Variants in TTC23 observed in about 807,000 individuals in gnomAD.
TTC23 encodes the protein tetratricopeptide repeat protein 23.
In TTC23, 58 loss-of-function variants were observed where a neutral mutation model predicts 55.1. That is an observed-to-expected ratio of 1.05 (90% CI 0.85 to 1.31). The LOEUF (loss-of-function observed/expected upper bound fraction) is 1.31, where lower values mean the gene tolerates loss of function less well. TTC23 is among the 50% of genes most tolerant of loss of function. The pLI is 0.00. For missense variants in TTC23, 516 were observed against 534.4 expected, an observed-to-expected ratio of 0.97 and a Z score of 0.34; for synonymous variants, 203 against 199.9, an observed-to-expected ratio of 1.02 and a Z score of -0.13.
In TTC23 at chr15:99,168,001, C is replaced by T. The variant is rs778339632; in HGVS notation, c.866-6134G>A. The stretch of plus-strand genomic sequence containing the variant: ...TTAGACCCTGCTGGGGGCTGCTGTT[C>T]GAGTCTGCTAGCTTGTGGAGGCCAC... On this transcript the variant is annotated intron_variant, in intron 10 of 13. Coordinates refer to ENST00000394132, the MANE Select transcript of TTC23 (RefSeq NM_001288615.3). Among the ~76,000 whole-genome samples, 16 of 152,310 alleles carry T rather than the reference C, an allele frequency of 1.1e-4. No homozygotes were observed. In the South Asian group the frequency reaches 3.1e-3, roughly 30 times the overall value.
intron 10 of TTC23, among the ~76,000 whole-genome samples, chr15:99,166,393 G>A (rs2072089537): frequency 6.6e-6 from 1 of 152,200 alleles, no homozygotes; most frequent in South Asian, 2.1e-4. Flanking sequence ...TTTGAGGGAG[G>A]ATGCTGCAGG....
chr15:99,179,777 G>T, intron 9 of TTC23, among the ~76,000 whole-genome samples: 1 of 152,190 alleles, frequency 6.6e-6, no homozygotes. Context: ...CCTGCTCCCA[G>T]CTAGCTGCCC....
chr15:99,183,125 G>A (rs1056246443), intron 9 of TTC23, among the ~76,000 whole-genome samples: 1 of 152,168 alleles, frequency 6.6e-6, no homozygotes, highest in Admixed American at 6.5e-5. Context: ...CCAAAATGCT[G>A]ATAGTGATAA....
intron 12 of TTC23, among the ~76,000 whole-genome samples, chr15:99,150,218 A>C (rs2069517541): frequency 6.6e-6 from 1 of 152,140 alleles, no homozygotes; most frequent in Non-Finnish European, 1.5e-5. Flanking sequence ...TCGATCCCTA[A>C]AACTGTGGGA....
At chr15:99,165,173 A>G (rs1429080551) in intron 10 of TTC23, among the ~76,000 whole-genome samples, 1 of 152,210 alleles carries the variant, frequency 6.6e-6, no homozygotes, top group East Asian at 1.9e-4. Flanking sequence ...GGCACACTGG[A>G]AGCAACAAGT....
chr15:99,139,630 CTGTA>C (rs1555489219), intron 12 of TTC23: 5 of 1,503,462 alleles, frequency 3.3e-6, no homozygotes, highest in East Asian at 2.7e-5. Flanking sequence ...CTGTGACTAT[CTGTA>C]TGCAAAAAAT....
chr15:99,162,119 CT>C (rs2071460908), intron 10 of TTC23, among the ~76,000 whole-genome samples: 1 of 152,112 alleles, frequency 6.6e-6, no homozygotes, highest in Non-Finnish European at 1.5e-5. Context: ...AGAAAAGTTA[CT>C]GCAAAAGAAG....
chr15:99,142,794 G>A (rs185648737), intron 12 of TTC23, among the ~76,000 whole-genome samples: 119 of 152,248 alleles, frequency 7.8e-4, no homozygotes, highest in Non-Finnish European at 1.6e-3. Flanking sequence ...TTACAAACCC[G>A]TGTGCTCACC....
chr15:99,215,182 GTGTT>G (rs1167291837), intron 8 of TTC23, among the ~76,000 whole-genome samples: 2 of 151,882 alleles, frequency 1.3e-5, no homozygotes, highest in Non-Finnish European at 2.9e-5. Context: ...ATCCAGTTAT[GTGTT>G]TGTTTAACTG....
chr15:99,152,847 G>A (rs185879338), intron 12 of TTC23, among the ~76,000 whole-genome samples: 1 of 152,232 alleles, frequency 6.6e-6, no homozygotes, highest in East Asian at 1.9e-4. Flanking sequence ...ACTCAGGGTG[G>A]AGTGCAGTGG....
rs1237481836 is a variant in TTC23 at position 99,155,995 on chromosome 15, T to C, written c.1143+153A>G. 4.2e-6 allele frequency: 4 copies of C among 956,530 alleles called. No individual in the cohort carries two copies. In the African/African-American group the frequency reaches 6.6e-5, roughly 16 times the overall value. The allele number at this position is 956,530 out of a possible 1,614,324, so 59.3% of individuals were successfully genotyped here. On this transcript the variant is annotated intron_variant, in intron 12 of 13. Transcript: ENST00000394132. ...CTTACTATGTCTTTTACCCAAAAAG[T>C]ATCAGGTTAGATCTACCACAAAAGT...
chr15:99,206,714 T>C (rs1190245578), intron 8 of TTC23, among the ~76,000 whole-genome samples: 1 of 152,172 alleles, frequency 6.6e-6, no homozygotes, highest in East Asian at 1.9e-4. Flanking sequence ...TTTTTCTTAG[T>C]CTAGTAAAGG....
chr15:99,212,890 G>A (rs1182361055), intron 8 of TTC23, among the ~76,000 whole-genome samples: 1 of 151,442 alleles, frequency 6.6e-6, no homozygotes, highest in Admixed American at 6.6e-5. Flanking sequence ...GAGGCTGAGA[G>A]GGGAGGACTG....
chr15:99,195,125 G>A (rs918521627), intron 9 of TTC23, among the ~76,000 whole-genome samples: 1 of 152,154 alleles, frequency 6.6e-6, no homozygotes, highest in Non-Finnish European at 1.5e-5. Flanking sequence ...AAAAGACATT[G>A]TCAAGAGAAT....
Position 99,156,565 on chromosome 15 carries a change from G to A in TTC23, c.994-268C>T, listed in dbSNP as rs150233134. Among the ~76,000 whole-genome samples the A allele has an allele frequency of 2.3e-3, 351 of 152,324 alleles. 3 individuals carry two copies. The highest frequency in any genetic ancestry group is 8.2e-3 in the African/African-American group (339 of 41,570). ...ATGGCAGAGGGCACCTCTTTCATAG[G>A]GCAGCAGGAGAGATAAGTGCTGAGC... is the stretch of plus-strand genomic sequence containing the variant. On this transcript the variant is annotated intron_variant, in intron 11 of 13. Transcript: ENST00000394132.
chr15:99,197,953 T>A (rs1329560563), intron 9 of TTC23, among the ~76,000 whole-genome samples: 1 of 151,998 alleles, frequency 6.6e-6, no homozygotes, highest in Non-Finnish European at 1.5e-5. Flanking sequence ...AGGACACTAC[T>A]TTCATTTTCC....
intron 9 of TTC23, among the ~76,000 whole-genome samples, chr15:99,188,475 T>C (rs987771172): frequency 6.6e-6 from 1 of 152,186 alleles, no homozygotes; most frequent in Middle Eastern, 3.4e-3. Context: ...AAATTTGTGG[T>C]ATACAAATTT....
At chr15:99,197,568 C>G (rs567929427) in intron 9 of TTC23, among the ~76,000 whole-genome samples, 2 of 152,218 alleles carry the variant, frequency 1.3e-5, no homozygotes, top group East Asian at 3.9e-4. Flanking sequence ...ACTTATTTAT[C>G]CTCTCTAGAA....
rs368118877 is a variant in TTC23, at chr15:99,138,036, C to T, written c.1318G>A (p.Ala440Thr). ...SIPQDTLLGK[A>T]RPGTTAD ...CAGTCTGCTGTTGTGCCGGGCCGGG[C>T]CTTCCCCAGCAGGGTGTCCTGAGGG... Residue 440 changes from alanine (A) to threonine (T), a missense_variant, in exon 14 of 14, where the codon GCC becomes ACC. Physicochemically the swap from Ala to Thr is moderately conservative, Grantham distance 58. Transcript: ENST00000394132. 6.8e-6 allele frequency: 11 copies of T among 1,614,084 alleles called. No individual in the cohort carries two copies. Among genetic ancestry groups the T allele is most frequent in the East Asian group, 6.7e-5 (3 of 44,878 alleles).
Sources: gnomAD v4.1 joint callset for allele counts (sites outside exome capture counted in the v4.1 genomes callset) on GRCh38, gnomAD v4.1.1 for gene constraint, MANE v1.5 for transcripts, NCBI Gene and HGNC (gene_info 2026-07-23, HGNC 2026-07-21) for gene names.